The following USP31 variants were observed in gnomAD, a reference collection of about 807,000 sequenced individuals.
USP31 encodes the protein ubiquitin specific peptidase 31.
Under a neutral mutation model 119.4 loss-of-function variants are expected in USP31, and 44 were observed. The observed-to-expected ratio is 0.37, with a 90% CI of 0.29 to 0.47. USP31 has a LOEUF of 0.47. Ranked by LOEUF, USP31 falls within the 20% of genes least tolerant of loss-of-function variation. USP31 has a pLI of 0.99. For synonymous variants in USP31, 749 were observed against 705.6 expected (o/e 1.06, Z -0.97); for missense variants, 1,643 against 1,730.2 (o/e 0.95, Z 0.89).
intron 1 of USP31, among the ~76,000 whole-genome samples, chr16:23,148,347 T>G (rs1325215776): frequency 6.6e-6 from 1 of 152,214 alleles, no homozygotes; most frequent in Non-Finnish European, 1.5e-5. Context: ...GCAAGTTCCA[T>G]GAAGGCGGAT....
intron 1 of USP31, chr16:23,115,750 G>C: frequency 1.0e-6 from 1 of 982,164 alleles, no homozygotes; most frequent in Non-Finnish European, 1.2e-6. Flanking sequence ...TAAAGTAAAA[G>C]GCAAAACACT....
chr16:23,079,551 A>AC (rs1900725128), intron 13 of USP31: 2 of 159,688 alleles, frequency 1.3e-5, no homozygotes, highest in Non-Finnish European at 2.8e-5. Flanking sequence ...CAACACAGCA[A>AC]CAGCTCATCT....
intron 7 of USP31, among the ~76,000 whole-genome samples, chr16:23,089,919 A>G (rs1190084438): frequency 6.6e-6 from 1 of 152,220 alleles, no homozygotes; most frequent in Non-Finnish European, 1.5e-5. Flanking sequence ...TTGGGACATA[A>G]GACATAAGTT....
chr16:23,143,060 C>G (rs1903397689), intron 1 of USP31, among the ~76,000 whole-genome samples: 2 of 152,138 alleles, frequency 1.3e-5, no homozygotes, highest in African/African-American at 2.4e-5. Flanking sequence ...CACCACTAGT[C>G]TCTTATACAA....
At chr16:23,093,993 G>A (rs1171827057) in intron 6 of USP31, among the ~76,000 whole-genome samples, 2 of 152,158 alleles carry the variant, frequency 1.3e-5, no homozygotes, top group African/African-American at 2.4e-5. Flanking sequence ...CATTGGGACG[G>A]TTGGACAGTG....
At chr16:23,084,208 A>G (rs1441387614) in intron 11 of USP31, among the ~76,000 whole-genome samples, 5 of 152,226 alleles carry the variant, frequency 3.3e-5, no homozygotes, top group Non-Finnish European at 7.3e-5. Flanking sequence ...ACTCTAGTCA[A>G]TGTTTATAAG....
chr16:23,149,178 G>A lies in USP31; in HGVS notation c.93C>T (p.Gly31=). Reference sequence around the variant, plus strand: ...CCCCCGCGCCGCCGCCGCCAGCGCGGCCGCTCCGAAACAGCCGCTTGCTGA... The same window carrying A: ...CCCCCGCGCCGCCGCCGCCAGCGCGACCGCTCCGAAACAGCCGCTTGCTGA... ...RSFSKRLFRS[G]RAGGGGAGGP... The change falls in exon 1 of 16, where the codon GGC becomes GGT. Residue 31 remains glycine (G), a synonymous_variant. Transcript: ENST00000219689. The A allele has an allele frequency of 1.7e-6, 2 of 1,165,530 alleles. No homozygotes were observed. Among genetic ancestry groups the A allele is most frequent in the Non-Finnish European group, 1.1e-6 (1 of 942,158 alleles). The allele number at this position is 1,165,530 out of a possible 1,614,324, so 72.2% of individuals were successfully genotyped here. A position where few individuals can be genotyped will look rare whatever the true frequency, so the allele number is the denominator to read the frequency against.
Position 23,102,426 on chromosome 16 carries a change from C to A in USP31, c.1127G>T (p.Arg376Leu), listed in dbSNP as rs1323329806. The change falls in exon 6 of 16, where the codon CGT (arginine) becomes CTT (leucine). Residue 376 changes from arginine to leucine, a missense_variant. This residue lies in a region of USP31 where 219 missense variants were observed against 226.4 expected (regional missense o/e 0.97). Coordinates refer to ENST00000219689, the MANE Select transcript of USP31 (RefSeq NM_020718.4). ...LTEMYYDGFH[R>L]SFCDTDDLET... Reference sequence around the variant, plus strand: ...CAGGTCGTCTGTATCACAAAAGGAACGATGGAACCCATCATAGTACATTTC... The same window carrying A: ...CAGGTCGTCTGTATCACAAAAGGAAAGATGGAACCCATCATAGTACATTTC... The A allele has an allele frequency of 6.2e-7, 1 of 1,613,148 alleles. No homozygotes were observed. Among genetic ancestry groups the A allele is most frequent in the African/African-American group, 1.3e-5 (1 of 74,942 alleles).
In USP31 at chr16:23,079,811, G is replaced by A; in HGVS notation, c.2176+135C>T. The A allele has an allele frequency of 1.0e-5, 8 of 762,530 alleles. No individual in the cohort carries two copies. In the South Asian group the frequency reaches 1.8e-4, roughly 17 times the overall value. The allele number at this position is 762,530 out of a possible 1,614,324, so 47.2% of individuals were successfully genotyped here. A position where few individuals can be genotyped will look rare whatever the true frequency, so the allele number is the denominator to read the frequency against. On this transcript the variant is annotated intron_variant, in intron 13 of 15. Coordinates refer to ENST00000219689, the MANE Select transcript of USP31 (RefSeq NM_020718.4). ...TTTGCTCTTGGGCAGAGATCCAGAG[G>A]ATGGAAACTGCCCTCACAGTTGGCA... is the stretch of plus-strand genomic sequence containing the variant.
intron 6 of USP31, among the ~76,000 whole-genome samples, chr16:23,101,006 G>T (rs1023276084): frequency 2.6e-5 from 4 of 152,204 alleles, no homozygotes; most frequent in African/African-American, 9.6e-5. Flanking sequence ...CCAAATCATG[G>T]CAGGGGAGGA....
At chr16:23,146,689 T>C (rs77028311) in intron 1 of USP31, among the ~76,000 whole-genome samples, 3,232 of 152,170 alleles carry the variant, frequency 0.021, 110 homozygotes, top group East Asian at 0.071. Context: ...AAGTAAAAAG[T>C]ATTAAACGGG....
chr16:23,103,006 C>T (rs1901947689), intron 5 of USP31, among the ~76,000 whole-genome samples: 1 of 152,150 alleles, frequency 6.6e-6, no homozygotes, highest in Admixed American at 6.5e-5. Context: ...ATTTTGGTAT[C>T]CTAGTGCAAG....
At position 23,069,475 on chromosome 16, in the gene USP31, G is replaced by A. The variant is rs1286950942; in HGVS notation, c.2630C>T (p.Ser877Phe). Reference sequence around the variant, plus strand: ...CCCTGAAAATCGGGATGGAGAATTGGAGCGCATCTGCAGCTTAGCAGACAG... The same window carrying A: ...CCCTGAAAATCGGGATGGAGAATTGAAGCGCATCTGCAGCTTAGCAGACAG... Reference protein sequence around the residue: ...WSLSAKLQMRSNSPSRFSGDS... With the variant: ...WSLSAKLQMRFNSPSRFSGDS... The change falls in exon 16 of 16, where the codon TCC (serine) becomes TTC (phenylalanine). Residue 877 changes from serine (S) to phenylalanine (F), a missense_variant. Ser to Phe is a radical substitution (Grantham distance 155). Coordinates refer to ENST00000219689, the MANE Select transcript of USP31 (RefSeq NM_020718.4). 5 of 1,614,228 alleles carry A rather than the reference G, an allele frequency of 3.1e-6. No individual in the cohort carries two copies. Among genetic ancestry groups the A allele is most frequent in the Non-Finnish European group, 3.4e-6 (4 of 1,180,044 alleles).
At chr16:23,082,821 CTT>C (rs1317063760) in intron 11 of USP31, among the ~76,000 whole-genome samples, 6 of 139,456 alleles carry the variant, frequency 4.3e-5, no homozygotes, top group Admixed American at 2.2e-4. Flanking sequence ...ATGTTACTTT[CTT>C]TCTCTCTCTT....
At chr16:23,103,926 A>T (rs934038085) in intron 5 of USP31, among the ~76,000 whole-genome samples, 1 of 152,180 alleles carries the variant, frequency 6.6e-6, no homozygotes, top group Non-Finnish European at 1.5e-5. Flanking sequence ...ATCAATCCAT[A>T]CATACATACA....
At chr16:23,079,491 G>A (rs1389231542) in intron 13 of USP31, 1 of 153,536 alleles carries the variant, frequency 6.5e-6, no homozygotes, top group African/African-American at 2.4e-5. Context: ...GTTCAAGGCT[G>A]TAGTGTGTGA....
Position 23,086,385 on chromosome 16 carries a change from T to C in USP31, c.1622+707A>G, listed in dbSNP as rs149545813. ...TTTGAGTTTTCACATGTATATTATA[T>C]ATTCATAGATACATAGTGTGTATAT... On this transcript the variant is annotated intron_variant, in intron 9 of 15. Coordinates refer to ENST00000219689, the MANE Select transcript of USP31 (RefSeq NM_020718.4). Among the ~76,000 whole-genome samples, 835 of 151,862 alleles carry C rather than the reference T, an allele frequency of 5.5e-3. 6 individuals are homozygous for C. Among genetic ancestry groups the C allele is most frequent in the African/African-American group, 0.019 (787 of 41,508 alleles).
Position 23,072,213 on chromosome 16 carries a change from C to A in USP31, c.2336-16G>T, listed in dbSNP as rs754377591. On this transcript the variant is annotated splice_polypyrimidine_tract_variant and intron_variant, in intron 14 of 15. Transcript: ENST00000219689. ...CTTGTGGAGCCTGCAGAGAAGAAAACAGGCATAGAGGTCAGGCTGGGGTCC... is the reference window on the plus strand; with the variant it reads ...CTTGTGGAGCCTGCAGAGAAGAAAAAAGGCATAGAGGTCAGGCTGGGGTCC... The A allele has an allele frequency of 2.5e-6, 4 of 1,600,768 alleles. No homozygotes were observed. The South Asian group carries it at 4.4e-5, about 18-fold the overall frequency.
chr16:23,090,996 T>A (rs1901339152), intron 6 of USP31, among the ~76,000 whole-genome samples, 192 bp from the exon 7 acceptor site: 1 of 152,240 alleles, frequency 6.6e-6, no homozygotes, highest in African/African-American at 2.4e-5. Flanking sequence ...GCATCCATTA[T>A]TATTTCCTTT....
Sources: allele counts gnomAD v4.1 joint callset (sites outside exome capture counted in the v4.1 genomes callset), GRCh38; gene constraint gnomAD v4.1.1; regional missense constraint gnomAD v4.1.1; transcripts MANE v1.5; gene names NCBI Gene and HGNC (gene_info 2026-07-23, HGNC 2026-07-21).